Variants in MON1A observed in about 807,000 individuals in gnomAD.
MON1A encodes MON1 vesicular trafficking associated A, also known as vacuolar fusion protein MON1 homolog A.
A neutral mutation model predicts 44.6 loss-of-function variants in MON1A; 29 were observed. The observed-to-expected ratio is 0.65, with a 90% confidence interval of 0.48 to 0.89. MON1A has a LOEUF of 0.89. MON1A is among the 40% of genes least tolerant of loss of function. MON1A has a pLI of 0.00. For synonymous variants in MON1A, 275 were observed against 316.4 expected, an observed-to-expected ratio of 0.87 and a Z score of 1.39; for missense variants, 615 against 759.6, an observed-to-expected ratio of 0.81 and a Z score of 2.24.
intron 1 of MON1A, chr3:49,929,292 T>G: frequency 4.6e-6 from 2 of 435,480 alleles, no homozygotes; most frequent in Non-Finnish European, 8.3e-6. Context: ...CTCTGTTGCT[T>G]TTTGAGAAGA....
At chr3:49,915,443 C>A (rs2082935581) in intron 1 of MON1A, among the ~76,000 whole-genome samples, 1 of 152,144 alleles carries the variant, frequency 6.6e-6, no homozygotes. Context: ...ATGAGAGGAT[C>A]ACATAAACCC....
chr3:49,927,909 A>C (rs1575482105), intron 1 of MON1A, among the ~76,000 whole-genome samples: 1 of 151,718 alleles, frequency 6.6e-6, no homozygotes, highest in Non-Finnish European at 1.5e-5. Context: ...TCAAAAAAAA[A>C]AACAACAAAA....
chr3:49,914,112 C>A (rs1293390125), intron 1 of MON1A, among the ~76,000 whole-genome samples: 1 of 140,102 alleles, frequency 7.1e-6, no homozygotes. Flanking sequence ...TTTTTTGAGA[C>A]GGAGTTTCGC....
rs1449865830 is a variant in MON1A, at chr3:49,910,426, A to G, written c.1072T>C (p.Phe358Leu). 4.3e-6 allele frequency: 7 copies of G among 1,614,248 alleles called. No individual in the cohort carries two copies. Among genetic ancestry groups the G allele is most frequent in the Non-Finnish European group, 5.1e-6 (6 of 1,180,046 alleles). Residue 358 changes from phenylalanine (F) to leucine (L), a missense_variant, in exon 4 of 6, where the codon TTT (phenylalanine) becomes CTT (leucine). Physicochemically the swap from Phe to Leu is conservative, Grantham distance 22. Transcript: ENST00000296473. The surrounding 1 kb of genome is among the most constrained non-coding windows in gnomAD (Gnocchi z 8.0). ...LFNLISSSSS[F>L]REGEAWTPVC... ...GGCGTCCAGGCCTCGCCCTCGCGAAAGGACGAGGAGGAACTAATGAGGTTG... is the reference window on the plus strand; with the variant it reads ...GGCGTCCAGGCCTCGCCCTCGCGAAGGGACGAGGAGGAACTAATGAGGTTG...
chr3:49,919,563 TC>T (rs1208827304), intron 1 of MON1A, among the ~76,000 whole-genome samples: 3 of 152,194 alleles, frequency 2.0e-5, no homozygotes, highest in African/African-American at 7.2e-5. Context: ...CACTGCAACC[TC>T]TGACTCCTGG....
At chr3:49,927,878 G>T (rs949748282) in intron 1 of MON1A, among the ~76,000 whole-genome samples, 1 of 150,810 alleles carries the variant, frequency 6.6e-6, no homozygotes, top group South Asian at 2.1e-4. Context: ...TCCAGCCTGG[G>T]CAAAAGATTG....
rs2082841927 is a variant in MON1A at position 49,908,991 on chromosome 3, G to T, written c.*23C>A. ...TTCCCACACCTAGTGTGTCCAGGAAGGCTGAGCCCGCACACATTCCCATCA... is the reference window on the plus strand; with the variant it reads ...TTCCCACACCTAGTGTGTCCAGGAATGCTGAGCCCGCACACATTCCCATCA... On this transcript the variant is annotated 3_prime_UTR_variant, in exon 6 of 6. Transcript: ENST00000296473. 1 of 1,598,230 alleles carries T rather than the reference G, an allele frequency of 6.3e-7. No homozygotes were observed. Among genetic ancestry groups the T allele is most frequent in the South Asian group, 1.1e-5 (1 of 89,100 alleles).
At chr3:49,914,381 C>T (rs1169841723) in intron 1 of MON1A, among the ~76,000 whole-genome samples, 1 of 151,488 alleles carries the variant, frequency 6.6e-6, no homozygotes, top group East Asian at 2.0e-4. Context: ...CCGTGCCCCA[C>T]CTTTCTTTTC....
Position 49,929,688 on chromosome 3 carries a change from C to T in MON1A, c.-93G>A. ...CGGACCCATGGAGGGGTAAGGGTGT[C>T]CGGCCGGGGCCGGCCTGAGGGCACA... is the stretch of plus-strand genomic sequence containing the variant. On this transcript the variant is annotated 5_prime_UTR_variant, in exon 1 of 6. Transcript: ENST00000296473. 6.4e-7 allele frequency: 1 copy of T among 1,550,756 alleles called. No homozygotes were observed. Among genetic ancestry groups the T allele is most frequent in the Non-Finnish European group, 8.7e-7 (1 of 1,146,834 alleles).
At chr3:49,929,098 T>C (rs919347381) in intron 1 of MON1A, among the ~76,000 whole-genome samples, 1 of 152,234 alleles carries the variant, frequency 6.6e-6, no homozygotes, top group African/African-American at 2.4e-5. Flanking sequence ...GGCGCATGCC[T>C]GTAATCCCAG....
intron 1 of MON1A, 88 bp downstream of exon 1, chr3:49,929,521 G>GC: frequency 1.4e-6 from 2 of 1,430,030 alleles, no homozygotes; most frequent in Non-Finnish European, 9.6e-7. Context: ...ATGGCTGGAG[G>GC]CCCCCGTCTT....
intron 1 of MON1A, among the ~76,000 whole-genome samples, chr3:49,919,457 A>C (rs2108536174): frequency 6.6e-6 from 1 of 152,226 alleles, no homozygotes; most frequent in African/African-American, 2.4e-5. Flanking sequence ...TGGATGCCAA[A>C]TGCTACAGGT....
chr3:49,926,904 G>A (rs1342333222), intron 1 of MON1A, among the ~76,000 whole-genome samples: 2 of 151,626 alleles, frequency 1.3e-5, no homozygotes, highest in African/African-American at 4.8e-5. Flanking sequence ...TCAGCCTCCC[G>A]AGTAGCTGGG....
chr3:49,913,127 A>C (rs1359882744), intron 2 of MON1A, 93 bp downstream of exon 2: 2 of 1,540,536 alleles, frequency 1.3e-6, no homozygotes, highest in African/African-American at 1.4e-5. Context: ...CAAATGCATG[A>C]ATAAGTGGAA....
At chr3:49,915,754 G>C (rs1559493824) in intron 1 of MON1A, 1 of 152,154 alleles carries the variant, frequency 6.6e-6, no homozygotes, top group Non-Finnish European at 1.5e-5. Flanking sequence ...AACTCTCAGT[G>C]CCCATGTAAT....
At chr3:49,922,746 T>C (rs1229584641) in intron 1 of MON1A, among the ~76,000 whole-genome samples, 1 of 151,236 alleles carries the variant, frequency 6.6e-6, no homozygotes, top group Admixed American at 6.6e-5. Flanking sequence ...TTGCCCAGGC[T>C]GGAGTGCAAT....
chr3:49,915,840 G>A (rs1483286012), intron 1 of MON1A: 1 of 152,264 alleles, frequency 6.6e-6, no homozygotes, highest in Non-Finnish European at 1.5e-5. Flanking sequence ...ACAAGTGAAT[G>A]TCAGTGGTAA....
intron 1 of MON1A, among the ~76,000 whole-genome samples, chr3:49,927,262 G>A (rs1340718433): frequency 6.6e-6 from 1 of 152,162 alleles, no homozygotes; most frequent in Non-Finnish European, 1.5e-5. Flanking sequence ...AAGTTAGAGG[G>A]ACCTGGATTA....
intron 1 of MON1A, among the ~76,000 whole-genome samples, chr3:49,922,046 A>AGAATCACTTGAACCCAT (rs1259223044): frequency 2.6e-5 from 4 of 151,738 alleles, no homozygotes; most frequent in African/African-American, 7.3e-5. Flanking sequence ...CTGAGGCAGG[A>AGAATCACTTGAACCCAT]GAATCACTTG....
Sources: allele counts gnomAD v4.1 joint callset (sites outside exome capture counted in the v4.1 genomes callset), GRCh38; gene constraint gnomAD v4.1.1; non-coding constraint Gnocchi (gnomAD v3.1); transcripts MANE v1.5; gene names NCBI Gene and HGNC (gene_info 2026-07-23, HGNC 2026-07-21).